FBXL13: variants seen among roughly 807,000 people sequenced by gnomAD.
FBXL13 encodes F-box and leucine-rich repeat protein 13.
A neutral mutation model predicts 83.6 loss-of-function variants in FBXL13; 67 were observed. The ratio of observed to expected loss-of-function variants is 0.80; its 90% CI spans 0.66 to 0.98. The LOEUF (loss-of-function observed/expected upper bound fraction) is 0.98, where lower values mean the gene tolerates loss of function less well. FBXL13 is among the 50% of genes least tolerant of loss of function. The pLI is 0.00. For synonymous variants in FBXL13, 272 were observed against 299.5 expected (o/e 0.91, Z 0.95); for missense variants, 822 against 866.5 (o/e 0.95, Z 0.64).
intron 2 of FBXL13, 21 bp from the exon 4 acceptor site, chr7:103,029,439 A>T: frequency 5.4e-6 from 7 of 1,300,116 alleles, no homozygotes; most frequent in Non-Finnish European, 6.3e-6. Flanking sequence ...TAAATAATTG[A>T]AATAACAAAT....
chr7:103,027,148 T>G (rs1390618140), intron 5 of FBXL13, among the ~76,000 whole-genome samples: 1 of 151,880 alleles, frequency 6.6e-6, no homozygotes, highest in Non-Finnish European at 1.5e-5. Context: ...ACAAAAAAAT[T>G]AGCTGGGTGT....
chr7:103,019,355 C>A (rs935242200), intron 6 of FBXL13, among the ~76,000 whole-genome samples: 5 of 152,106 alleles, frequency 3.3e-5, no homozygotes, highest in African/African-American at 1.2e-4. Flanking sequence ...GCACTAAATG[C>A]CCACAAGAGA....
chr7:103,067,456 G>A (rs553323013), intron 1 of FBXL13, among the ~76,000 whole-genome samples: 17 of 152,214 alleles, frequency 1.1e-4, no homozygotes, highest in Non-Finnish European at 2.1e-4. Context: ...TAATCCACTT[G>A]TAATGAAGAG....
chr7:103,024,855 A>ATTT (rs1265944529), intron 6 of FBXL13, among the ~76,000 whole-genome samples: 66 of 86,356 alleles, frequency 7.6e-4, no homozygotes, highest in African/African-American at 1.6e-3. Context: ...ATATATATAT[A>ATTT]TATTTTTTTT....
intron 18 of FBXL13, among the ~76,000 whole-genome samples, chr7:102,832,361 C>G (rs116472490): frequency 9.7e-4 from 148 of 152,278 alleles, no homozygotes; most frequent in African/African-American, 3.2e-3. Flanking sequence ...CACTAAGGCC[C>G]TAGCTCAATG....
At chr7:102,826,014 T>C (rs1299416527) in intron 18 of FBXL13, among the ~76,000 whole-genome samples, 1 of 152,254 alleles carries the variant, frequency 6.6e-6, no homozygotes, top group Non-Finnish European at 1.5e-5. Flanking sequence ...GCTATAATTA[T>C]GATTATTCAT....
At chr7:102,886,644 T>C (rs541962160) in intron 11 of FBXL13, among the ~76,000 whole-genome samples, 2 of 152,326 alleles carry the variant, frequency 1.3e-5, no homozygotes, top group Admixed American at 6.5e-5. Flanking sequence ...GCTCCCAGCA[T>C]GGTGCCTATA....
At chr7:102,898,315 A>AT (rs1812521050) in intron 11 of FBXL13, among the ~76,000 whole-genome samples, 1 of 152,156 alleles carries the variant, frequency 6.6e-6, no homozygotes, top group Non-Finnish European at 1.5e-5. Flanking sequence ...ACGTACATGA[A>AT]TGTTCATAGA....
intron 10 of FBXL13, among the ~76,000 whole-genome samples, chr7:102,922,467 T>C (rs1202076300): frequency 6.6e-6 from 1 of 152,156 alleles, no homozygotes. Flanking sequence ...CCAAAAAAAG[T>C]ATGCATATAA....
At chr7:103,070,178 A>G (rs891915042) in intron 1 of FBXL13, among the ~76,000 whole-genome samples, 5 of 152,162 alleles carry the variant, frequency 3.3e-5, no homozygotes, top group Non-Finnish European at 7.3e-5. Flanking sequence ...CAGACCCACA[A>G]ATGATCTGGA....
At chr7:102,978,653 C>G (rs1373913493) in intron 6 of FBXL13, 1 of 234,386 alleles carries the variant, frequency 4.3e-6, no homozygotes, top group Non-Finnish European at 8.6e-6. Flanking sequence ...CTCATTAAAA[C>G]AGCGTGTTGC....
chr7:102,963,584 G>C (rs760937969), exon 8 of FBXL13: 1 of 1,612,534 alleles, frequency 6.2e-7, no homozygotes, highest in Non-Finnish European at 8.5e-7. Context: ...AAATTCAAAC[G>C]CAGCACATTT....
At chr7:102,941,029 T>G (rs1422646802) in intron 8 of FBXL13, among the ~76,000 whole-genome samples, 1 of 152,206 alleles carries the variant, frequency 6.6e-6, no homozygotes, top group African/African-American at 2.4e-5. Context: ...GAATGAACAT[T>G]CTGGAGCCAC....
chr7:102,887,779 C>G (rs1257017167), intron 11 of FBXL13, among the ~76,000 whole-genome samples: 3 of 152,172 alleles, frequency 2.0e-5, no homozygotes, highest in Non-Finnish European at 4.4e-5. Flanking sequence ...TTTGCAACAA[C>G]ATTTACACTG....
intron 18 of FBXL13, among the ~76,000 whole-genome samples, chr7:102,826,625 T>C (rs1799661841): frequency 6.7e-6 from 1 of 148,298 alleles, no homozygotes; most frequent in African/African-American, 2.5e-5. Flanking sequence ...CTCAGGAGGC[T>C]GAGGTGGGAG....
Position 102,884,177 on chromosome 7 carries a change from T to C in FBXL13, c.1107+37A>G, listed in dbSNP as rs369267502. On this transcript the variant is annotated intron_variant, in intron 12 of 19. Transcript: ENST00000313221. ...GCCATTAGAACATATATCTATCTTA[T>C]GGGACAGAAAAGTAAAGGTACTTCC... 9.9e-6 allele frequency: 14 copies of C among 1,412,544 alleles called. No homozygotes were observed. The African/African-American group carries it at 1.4e-4, about 14-fold the overall frequency. 87.5% of individuals were successfully genotyped at this position (1,412,544 alleles called of 1,614,324 possible). A position where few individuals can be genotyped will look rare whatever the true frequency, so the allele number is the denominator to read the frequency against.
intron 6 of FBXL13, among the ~76,000 whole-genome samples, chr7:102,990,376 G>A (rs981633993): frequency 5.9e-5 from 9 of 152,130 alleles, no homozygotes; most frequent in Non-Finnish European, 8.8e-5. Context: ...AGACAAGAAG[G>A]GATCATAGGC....
chr7:102,995,172 G>A (rs956960899), intron 6 of FBXL13, among the ~76,000 whole-genome samples: 6 of 152,052 alleles, frequency 3.9e-5, no homozygotes, highest in African/African-American at 1.4e-4. Context: ...GGGAAGCTGG[G>A]GTGAGAGAAG....
At chr7:102,989,772 A>G (rs960183509) in intron 6 of FBXL13, among the ~76,000 whole-genome samples, 1 of 152,202 alleles carries the variant, frequency 6.6e-6, no homozygotes, top group Non-Finnish European at 1.5e-5. Flanking sequence ...CTATTTCTCA[A>G]TTGGTTCCAA....
Sources: gnomAD v4.1 joint callset for allele counts (sites outside exome capture counted in the v4.1 genomes callset) on GRCh38, gnomAD v4.1.1 for gene constraint, MANE v1.5 for transcripts, NCBI Gene and HGNC (gene_info 2026-07-23, HGNC 2026-07-21) for gene names.